TGFBR3: variants seen among roughly 807,000 people sequenced by gnomAD.
The protein encoded by TGFBR3 is transforming growth factor beta receptor type 3.
Under a neutral mutation model 87.9 loss-of-function variants are expected in TGFBR3, and 46 were observed. That is an observed-to-expected ratio of 0.52 (90% CI 0.41 to 0.67). TGFBR3 has a LOEUF of 0.67. Ranked by LOEUF, TGFBR3 falls within the 30% of genes least tolerant of loss-of-function variation. TGFBR3 has a pLI of 0.00. For missense variants in TGFBR3, 866 were observed against 1,041.9 expected, an observed-to-expected ratio of 0.83 and a Z score of 2.32; for synonymous variants, 381 against 391.6, an observed-to-expected ratio of 0.97 and a Z score of 0.32.
Position 91,805,768 on chromosome 1 carries a change from T to G in TGFBR3, c.62-8297A>C, listed in dbSNP as rs17884569. ...ACCACACCACTAGGGGCCACACATC[T>G]TGTACATGTTTCTGATTCTCACAAT... is the stretch of plus-strand genomic sequence containing the variant. On this transcript the variant is annotated intron_variant, in intron 2 of 16. Coordinates refer to ENST00000212355, the MANE Select transcript of TGFBR3 (RefSeq NM_003243.5). Among the ~76,000 whole-genome samples the G allele has an allele frequency of 3.9e-3, 589 of 152,350 alleles. 6 individuals are homozygous for G. Among genetic ancestry groups the G allele is most frequent in the Admixed American group, 0.02 (301 of 15,308 alleles).
intron 4 of TGFBR3, among the ~76,000 whole-genome samples, chr1:91,751,986 C>T (rs1042664954): frequency 4.6e-5 from 7 of 152,098 alleles, no homozygotes; most frequent in East Asian, 1.9e-4. Context: ...TGAGCTAGTA[C>T]GATCCCCTCA....
chr1:91,846,256 T>A (rs1214352395), intron 2 of TGFBR3, among the ~76,000 whole-genome samples: 1 of 152,254 alleles, frequency 6.6e-6, no homozygotes, highest in African/African-American at 2.4e-5. Flanking sequence ...TTTTTCAGCA[T>A]GGGCTTTGCA....
chr1:91,846,151 C>T (rs1677488770), intron 2 of TGFBR3, among the ~76,000 whole-genome samples: 1 of 152,210 alleles, frequency 6.6e-6, no homozygotes, highest in Admixed American at 6.5e-5. Context: ...AAGCAACTCC[C>T]CTCTTGGCCC....
At chr1:91,834,436 A>C (rs1306111367) in intron 2 of TGFBR3, among the ~76,000 whole-genome samples, 4 of 152,226 alleles carry the variant, frequency 2.6e-5, no homozygotes, top group Non-Finnish European at 5.9e-5. Context: ...AATGGGCATG[A>C]CATATGAGTG....
chr1:91,780,550 G>GGTTTT (rs563352956), intron 3 of TGFBR3, among the ~76,000 whole-genome samples: 1 of 75,550 alleles, frequency 1.3e-5, no homozygotes, highest in Non-Finnish European at 2.8e-5. Flanking sequence ...AGGGTCTAAG[G>GGTTTT]CTTTTTTTTT....
chr1:91,850,737 C>A (rs765823452), intron 2 of TGFBR3, among the ~76,000 whole-genome samples: 1 of 144,146 alleles, frequency 6.9e-6, no homozygotes, highest in East Asian at 2.0e-4. Context: ...GCCAAGACTG[C>A]ACTACTGCAC....
At chr1:91,812,488 G>A (rs954031568) in intron 2 of TGFBR3, among the ~76,000 whole-genome samples, 8 of 152,164 alleles carry the variant, frequency 5.3e-5, no homozygotes, top group Admixed American at 2.6e-4. Context: ...CCTGAAACTC[G>A]CTTATTGTAT....
chr1:91,871,959 T>C (rs1678596301), intron 1 of TGFBR3, among the ~76,000 whole-genome samples: 1 of 152,220 alleles, frequency 6.6e-6, no homozygotes, highest in African/African-American at 2.4e-5. Flanking sequence ...TACTTCCTAG[T>C]ATGTTGTTAG....
chr1:91,890,403 TATAATC>T (rs1376768454), upstream of TGFBR3, among the ~76,000 whole-genome samples: 53 of 135,404 alleles, frequency 3.9e-4, no homozygotes, highest in Middle Eastern at 3.3e-3. Context: ...GTTGTTTCTC[TATAATC>T]TTTTTTTTTT....
chr1:91,889,436 C>T (rs1557764993), upstream of TGFBR3, among the ~76,000 whole-genome samples: 1 of 151,922 alleles, frequency 6.6e-6, no homozygotes, highest in East Asian at 1.9e-4. Context: ...TAAAAGGGCT[C>T]TTTTTTTTAA....
At chr1:91,822,261 G>C (rs1218477631) in intron 2 of TGFBR3, among the ~76,000 whole-genome samples, 1 of 137,208 alleles carries the variant, frequency 7.3e-6, no homozygotes, top group African/African-American at 2.8e-5. Flanking sequence ...GTATCTCCTA[G>C]TGCCCGCTGT....
intron 7 of TGFBR3, among the ~76,000 whole-genome samples, chr1:91,724,855 T>C (rs1672494787): frequency 6.6e-6 from 1 of 152,150 alleles, no homozygotes; most frequent in Non-Finnish European, 1.5e-5. Flanking sequence ...CATATTTACA[T>C]CTGGACTGAT....
At chr1:91,749,475 C>T (rs532625481) in intron 4 of TGFBR3, among the ~76,000 whole-genome samples, 2 of 152,282 alleles carry the variant, frequency 1.3e-5, no homozygotes, top group South Asian at 2.1e-4. Context: ...TTGAGAAAAG[C>T]AAATTCTATC....
intron 1 of TGFBR3, among the ~76,000 whole-genome samples, chr1:91,880,891 TTA>T (rs374022559): frequency 2.7e-5 from 4 of 149,550 alleles, no homozygotes; most frequent in African/African-American, 9.8e-5. Context: ...TAGTTATAGA[TTA>T]TATATATGTG....
intron 3 of TGFBR3, among the ~76,000 whole-genome samples, chr1:91,773,886 G>C (rs1181913241): frequency 1.3e-5 from 2 of 152,220 alleles, no homozygotes; most frequent in African/African-American, 4.8e-5. Context: ...AAGTGAAAAT[G>C]TCTTGAAATG....
chr1:91,796,014 A>G (rs551431067), intron 3 of TGFBR3, among the ~76,000 whole-genome samples: 3 of 152,290 alleles, frequency 2.0e-5, no homozygotes, highest in South Asian at 4.1e-4. Flanking sequence ...CACATAAACA[A>G]GTGGCTCTGG....
intron 1 of TGFBR3, among the ~76,000 whole-genome samples, chr1:91,904,597 T>G (rs1301205868): frequency 7.5e-6 from 1 of 134,074 alleles, no homozygotes; most frequent in South Asian, 2.4e-4. Flanking sequence ...GGAGTCTCAC[T>G]CTTGTCACCC....
At chr1:91,731,403 G>A (rs568999780) in intron 5 of TGFBR3, among the ~76,000 whole-genome samples, 77 of 152,162 alleles carry the variant, frequency 5.1e-4, no homozygotes, top group African/African-American at 1.7e-3. Context: ...GGCTCGTTGC[G>A]AGAGAGCATT....
At chr1:91,838,584 A>G (rs940466459) in intron 2 of TGFBR3, among the ~76,000 whole-genome samples, 3 of 150,226 alleles carry the variant, frequency 2.0e-5, no homozygotes, top group Admixed American at 1.3e-4. Context: ...TCAGCCTCCC[A>G]AGTAGCTGGG....
Sources: gnomAD v4.1 joint callset for allele counts (sites outside exome capture counted in the v4.1 genomes callset) on GRCh38, gnomAD v4.1.1 for gene constraint, MANE v1.5 for transcripts, NCBI Gene and HGNC (gene_info 2026-07-23, HGNC 2026-07-21) for gene names.